LRMDA: variants seen among roughly 807,000 people sequenced by gnomAD.
LRMDA encodes leucine rich melanocyte differentiation associated.
LRMDA carries 18 observed loss-of-function variants against 29.8 expected under a neutral mutation model. The observed-to-expected ratio is 0.60, with a 90% CI of 0.42 to 0.90. LRMDA has a LOEUF of 0.90. Among genes scored for constraint, LRMDA ranks in the 40% least tolerant of loss-of-function variants. The pLI, the probability that LRMDA is intolerant of heterozygous loss-of-function variation, is 0.00. For synonymous variants in LRMDA, 125 were observed against 109.4 expected (o/e 1.14, Z -0.89); for missense variants, 273 against 273.9 (o/e 1.00, Z 0.02).
chr10:76,512,022 T>C (rs1440697603), intron 6 of LRMDA, among the ~76,000 whole-genome samples: 1 of 152,200 alleles, frequency 6.6e-6, no homozygotes, highest in Non-Finnish European at 1.5e-5. Flanking sequence ...TTCCCATATG[T>C]TATGGGAGGG....
At chr10:75,858,906 T>G (rs182790395) in intron 2 of LRMDA, among the ~76,000 whole-genome samples, 1 of 152,384 alleles carries the variant, frequency 6.6e-6, no homozygotes, top group East Asian at 1.9e-4. Context: ...CTGCTTCTTC[T>G]GTGAATTTAT....
At chr10:76,101,649 T>G (rs941290403) in intron 5 of LRMDA, among the ~76,000 whole-genome samples, 4 of 151,892 alleles carry the variant, frequency 2.6e-5, no homozygotes, top group South Asian at 2.1e-4. Flanking sequence ...AGCAGGAGAA[T>G]CACTTGAACC....
intron 5 of LRMDA, among the ~76,000 whole-genome samples, chr10:76,159,173 AC>A (rs1404590901): frequency 6.6e-6 from 1 of 152,188 alleles, no homozygotes; most frequent in Non-Finnish European, 1.5e-5. Flanking sequence ...GAATAAAACA[AC>A]CATCTAACAT....
chr10:76,010,458 G>A (rs1320190402), intron 2 of LRMDA, among the ~76,000 whole-genome samples: 3 of 151,832 alleles, frequency 2.0e-5, no homozygotes, highest in African/African-American at 4.8e-5. Flanking sequence ...GACTACAGGC[G>A]CTCACTACCA....
At chr10:75,551,410 G>A (rs915572849) in intron 2 of LRMDA, among the ~76,000 whole-genome samples, 2 of 151,926 alleles carry the variant, frequency 1.3e-5, no homozygotes, top group Non-Finnish European at 2.9e-5. Context: ...AGGTATACAC[G>A]TGCCATGGTG....
At chr10:75,630,277 A>G (rs1252366504) in intron 2 of LRMDA, among the ~76,000 whole-genome samples, 2 of 152,120 alleles carry the variant, frequency 1.3e-5, no homozygotes, top group East Asian at 1.9e-4. Flanking sequence ...TTGTGTGGGT[A>G]TGGTGTGATT....
At chr10:76,482,839 C>T (rs1467887144) in intron 6 of LRMDA, among the ~76,000 whole-genome samples, 1 of 151,964 alleles carries the variant, frequency 6.6e-6, no homozygotes, top group Non-Finnish European at 1.5e-5. Flanking sequence ...TTGTTCAATA[C>T]CAATTCAGCA....
At chr10:75,894,662 G>T (rs1333865877) in intron 2 of LRMDA, among the ~76,000 whole-genome samples, 3 of 152,166 alleles carry the variant, frequency 2.0e-5, no homozygotes, top group Admixed American at 2.0e-4. Flanking sequence ...GATGGGCATT[G>T]TAGCCTGGCA....
At chr10:76,298,109 A>G (rs1840434903) in intron 5 of LRMDA, among the ~76,000 whole-genome samples, 1 of 152,250 alleles carries the variant, frequency 6.6e-6, no homozygotes, top group South Asian at 2.1e-4. Flanking sequence ...CTTGCGAGCA[A>G]CAAAAGCAGT....
intron 5 of LRMDA, among the ~76,000 whole-genome samples, chr10:76,146,063 T>C (rs1212654327): frequency 2.6e-5 from 4 of 152,038 alleles, no homozygotes; most frequent in Non-Finnish European, 4.4e-5. Flanking sequence ...AGACAGTTTG[T>C]TATAATTTCT....
rs574618858 is a variant in LRMDA at position 75,668,029 on chromosome 10, A to G, written c.131+229535A>G. Among the ~76,000 whole-genome samples the G allele has an allele frequency of 3.3e-5, 5 of 152,346 alleles. No homozygotes were observed. The East Asian group carries it at 9.6e-4, about 29-fold the overall frequency. ...TGGTTAATTCCAAAATCAAAATCCG[A>G]TACACAAAATTTCTGGGGCCTCTTC... On this transcript the variant is annotated intron_variant, in intron 2 of 6. Transcript: ENST00000611255.
intron 6 of LRMDA, among the ~76,000 whole-genome samples, chr10:76,543,911 C>A (rs35955599): frequency 2.0e-5 from 3 of 152,106 alleles, no homozygotes; most frequent in Non-Finnish European, 4.4e-5. Flanking sequence ...CTGAGCCCCC[C>A]CCAGGAGAGG....
chr10:75,465,000 G>A (rs1055046634), intron 2 of LRMDA, among the ~76,000 whole-genome samples: 1 of 152,108 alleles, frequency 6.6e-6, no homozygotes, highest in African/African-American at 2.4e-5. Context: ...CAGACTTTTC[G>A]CTCCTTCCCT....
intron 2 of LRMDA, among the ~76,000 whole-genome samples, chr10:75,837,473 G>C (rs965948539): frequency 4.6e-5 from 7 of 152,092 alleles, no homozygotes; most frequent in African/African-American, 1.7e-4. Flanking sequence ...TTAAAAAATA[G>C]AATGGACAAA....
chr10:75,856,157 G>C (rs1416947285), intron 2 of LRMDA, among the ~76,000 whole-genome samples: 5 of 152,244 alleles, frequency 3.3e-5, no homozygotes, highest in African/African-American at 7.2e-5. Flanking sequence ...ACCTTGGGCA[G>C]TATGGCCATT....
At chr10:76,001,425 AT>A (rs1847560887) in intron 2 of LRMDA, among the ~76,000 whole-genome samples, 1 of 152,144 alleles carries the variant, frequency 6.6e-6, no homozygotes, top group Non-Finnish European at 1.5e-5. Flanking sequence ...ATTAAACATG[AT>A]TTATGAAGTT....
chr10:75,561,819 G>A (rs1273041801), intron 2 of LRMDA, among the ~76,000 whole-genome samples: 4 of 152,004 alleles, frequency 2.6e-5, no homozygotes, highest in African/African-American at 9.7e-5. Flanking sequence ...AGGTTGTTCA[G>A]TTTCCATGTA....
intron 5 of LRMDA, among the ~76,000 whole-genome samples, chr10:76,301,630 T>G (rs190907694): frequency 6.6e-6 from 1 of 152,258 alleles, no homozygotes; most frequent in East Asian, 1.9e-4. Flanking sequence ...GCATGCAAAA[T>G]TTAAAACAAA....
chr10:76,124,671 G>A (rs745570798), intron 5 of LRMDA, among the ~76,000 whole-genome samples: 3 of 152,242 alleles, frequency 2.0e-5, no homozygotes, highest in Non-Finnish European at 4.4e-5. Flanking sequence ...TGGCCACACA[G>A]TAGGGTTTGG....
Sources: allele counts gnomAD v4.1 joint callset (sites outside exome capture counted in the v4.1 genomes callset), GRCh38; gene constraint gnomAD v4.1.1; transcripts MANE v1.5; gene names NCBI Gene and HGNC (gene_info 2026-07-23, HGNC 2026-07-21).